Variants in SPMIP3 observed in about 807,000 individuals in gnomAD.
The protein encoded by SPMIP3 is protein SPMIP3.
the SPMIP3 span, among the ~76,000 whole-genome samples, chr1:244,370,304 G>A: frequency 5.8e-4 from 88 of 152,300 alleles, no homozygotes; most frequent in African/African-American, 1.8e-3. Flanking sequence ...TTGTGGAGCC[G>A]GCAGAGCCTG....
chr1:244,384,015 C>G, the SPMIP3 span, among the ~76,000 whole-genome samples: 1 of 152,124 alleles, frequency 6.6e-6, no homozygotes, highest in South Asian at 2.1e-4. Flanking sequence ...TCTCACAGAT[C>G]ACCACTAAAG....
At chr1:244,385,816 C>T in the SPMIP3 span, among the ~76,000 whole-genome samples, 1 of 152,008 alleles carries the variant, frequency 6.6e-6, no homozygotes, top group East Asian at 1.9e-4. Flanking sequence ...AGATTAATTT[C>T]TAAAATCGGT....
chr1:244,383,208 G>A, the SPMIP3 span, among the ~76,000 whole-genome samples: 1 of 152,128 alleles, frequency 6.6e-6, no homozygotes, highest in African/African-American at 2.4e-5. Context: ...ATAGACACAA[G>A]ATTTCTACAC....
chr1:244,376,627 C>A, the SPMIP3 span, among the ~76,000 whole-genome samples: 1 of 152,028 alleles, frequency 6.6e-6, no homozygotes, highest in African/African-American at 2.4e-5. Flanking sequence ...TATTTCGAAA[C>A]CTTTTTATTT....
chr1:244,358,004 C>T, the SPMIP3 span, among the ~76,000 whole-genome samples: 35 of 152,140 alleles, frequency 2.3e-4, no homozygotes, highest in Non-Finnish European at 4.6e-4. Flanking sequence ...GGGAGGATCA[C>T]TTGAGCCCAG....
chr1:244,377,405 G>C, the SPMIP3 span, among the ~76,000 whole-genome samples: 13 of 152,360 alleles, frequency 8.5e-5, no homozygotes, highest in African/African-American at 2.9e-4. Context: ...ACAGGCGTGA[G>C]CCACCACGCC....
chr1:244,376,684 T>C, the SPMIP3 span, among the ~76,000 whole-genome samples: 1 of 152,238 alleles, frequency 6.6e-6, no homozygotes, highest in African/African-American at 2.4e-5. Flanking sequence ...TACCATACGA[T>C]TTATCCATTT....
At chr1:244,385,933 G>A in the SPMIP3 span, among the ~76,000 whole-genome samples, 4 of 152,012 alleles carry the variant, frequency 2.6e-5, no homozygotes, top group Non-Finnish European at 5.9e-5. Flanking sequence ...GGAGGCTGAG[G>A]TGGGTGGATC....
chr1:244,354,798 C>G, the SPMIP3 span, among the ~76,000 whole-genome samples: 1 of 152,184 alleles, frequency 6.6e-6, no homozygotes, highest in Non-Finnish European at 1.5e-5. Context: ...GGGAAAATGT[C>G]CAGGTTTTCT....
At chr1:244,368,838 T>C in the SPMIP3 span, among the ~76,000 whole-genome samples, 1 of 152,190 alleles carries the variant, frequency 6.6e-6, no homozygotes, top group Admixed American at 6.5e-5. Context: ...GGTTCACACT[T>C]AGTAGTGGCC....
the SPMIP3 span, among the ~76,000 whole-genome samples, chr1:244,362,991 G>T: frequency 6.6e-4 from 99 of 149,544 alleles, no homozygotes; most frequent in African/African-American, 2.4e-3. Flanking sequence ...CCACAGGCAT[G>T]CACCTCCACA....
the SPMIP3 span, among the ~76,000 whole-genome samples, chr1:244,381,041 G>A: frequency 9.7e-3 from 1,472 of 152,152 alleles, 31 homozygotes; most frequent in African/African-American, 0.033. Flanking sequence ...ACTGGGAAAG[G>A]AGGTGCTGGG....
chr1:244,353,193 A>T, the SPMIP3 span, among the ~76,000 whole-genome samples: 1 of 152,154 alleles, frequency 6.6e-6, no homozygotes, highest in Non-Finnish European at 1.5e-5. Flanking sequence ...CACCAAACGA[A>T]GTGGTCCCCA....
the SPMIP3 span, chr1:244,375,494 C>T: frequency 6.4e-7 from 1 of 1,572,484 alleles, no homozygotes; most frequent in Admixed American, 1.7e-5. Context: ...ATCCCAATGT[C>T]CAAGAATGTC....
the SPMIP3 span, among the ~76,000 whole-genome samples, chr1:244,385,669 T>C: frequency 2.0e-5 from 3 of 152,162 alleles, no homozygotes; most frequent in Non-Finnish European, 4.4e-5. Context: ...ATATAAAGAA[T>C]GTAAGCATTG....
At chr1:244,373,827 T>C in the SPMIP3 span, among the ~76,000 whole-genome samples, 2 of 151,904 alleles carry the variant, frequency 1.3e-5, no homozygotes, top group African/African-American at 2.4e-5. Context: ...ATGAGACATA[T>C]TTCTGGCCGG....
chr1:244,375,912 C>T, the SPMIP3 span, among the ~76,000 whole-genome samples: 3 of 152,256 alleles, frequency 2.0e-5, no homozygotes, highest in Non-Finnish European at 4.4e-5. Flanking sequence ...AGTCATCCGC[C>T]CACTTTGGCC....
chr1:244,381,718 G>A, the SPMIP3 span, among the ~76,000 whole-genome samples: 1 of 152,192 alleles, frequency 6.6e-6, no homozygotes, highest in Non-Finnish European at 1.5e-5. Context: ...ATCACCTGAG[G>A]TGAGAAGTTC....
the SPMIP3 span, among the ~76,000 whole-genome samples, chr1:244,358,454 G>A: frequency 3.3e-5 from 5 of 151,036 alleles, no homozygotes; most frequent in East Asian, 4.0e-4. Flanking sequence ...GCGTGGTGGC[G>A]CATGTCTGTA....
Sources: allele counts gnomAD v4.1 joint callset (sites outside exome capture counted in the v4.1 genomes callset), GRCh38; gene constraint gnomAD v4.1.1; transcripts MANE v1.5; gene names NCBI Gene and HGNC (gene_info 2026-07-23, HGNC 2026-07-21).